The following PRDM16 variants were observed in gnomAD, a reference collection of about 807,000 sequenced individuals.
PRDM16 encodes histone-lysine N-methyltransferase PRDM16.
PRDM16 carries 23 observed loss-of-function variants against 110.6 expected under a neutral mutation model. That is an observed-to-expected ratio of 0.21 (90% CI 0.15 to 0.29). The LOEUF (loss-of-function observed/expected upper bound fraction) is 0.29. Among genes scored for constraint, PRDM16 ranks in the 10% least tolerant of loss-of-function variants. The pLI is 1.00. For synonymous variants in PRDM16, 799 were observed against 781.8 expected, an observed-to-expected ratio of 1.02 and a Z score of -0.37; for missense variants, 1,615 against 1,794.3, an observed-to-expected ratio of 0.90 and a Z score of 1.81.
chr1:3,190,123 C>T lies in PRDM16; in HGVS notation c.387+3649C>T, dbSNP rs930430801. Among the ~76,000 whole-genome samples, 11 of 152,090 alleles carry T rather than the reference C, an allele frequency of 7.2e-5. No individual in the cohort carries two copies. Among genetic ancestry groups the T allele is most frequent in the African/African-American group, 1.9e-4 (8 of 41,512 alleles). On this transcript the variant is annotated intron_variant, in intron 2 of 16. Coordinates refer to ENST00000270722, the MANE Select transcript of PRDM16 (RefSeq NM_022114.4). The surrounding 1 kb of genome is among the most constrained non-coding windows in gnomAD (Gnocchi z 5.0). ...GACTCCCTGGGGATGAGAGATGGGGCGGGCAGCACGTGAGGCACCCACGAG... is the reference window on the plus strand; with the variant it reads ...GACTCCCTGGGGATGAGAGATGGGGTGGGCAGCACGTGAGGCACCCACGAG...
chr1:3,404,194 G>T (rs552146484), intron 6 of PRDM16, among the ~76,000 whole-genome samples: 7 of 152,322 alleles, frequency 4.6e-5, no homozygotes, highest in African/African-American at 1.7e-4. Flanking sequence ...CCAAGAGCAG[G>T]GAATTAGAGC....
At chr1:3,118,189 A>T (rs999964756) in intron 1 of PRDM16, among the ~76,000 whole-genome samples, 1 of 151,730 alleles carries the variant, frequency 6.6e-6, no homozygotes. Context: ...TTGTGTGTGC[A>T]TGCATGTACA....
chr1:3,347,099 T>A (rs1467375737), intron 3 of PRDM16, among the ~76,000 whole-genome samples: 1 of 152,012 alleles, frequency 6.6e-6, no homozygotes, highest in Non-Finnish European at 1.5e-5. Flanking sequence ...AGGTGCCCAG[T>A]CTTTCCGGGG....
intron 3 of PRDM16, among the ~76,000 whole-genome samples, chr1:3,338,519 G>A (rs761187357): frequency 1.3e-5 from 2 of 152,182 alleles, no homozygotes; most frequent in African/African-American, 4.8e-5. Context: ...AAGTGGGGAC[G>A]GGGTGCCCGG....
At chr1:3,211,885 C>T (rs1160260610) in intron 2 of PRDM16, among the ~76,000 whole-genome samples, 2 of 152,202 alleles carry the variant, frequency 1.3e-5, no homozygotes, top group African/African-American at 2.4e-5. Flanking sequence ...TGGGTGGGAG[C>T]GGGTGTGTAT....
At chr1:3,241,305 T>G (rs1639669464) in intron 2 of PRDM16, among the ~76,000 whole-genome samples, 1 of 152,344 alleles carries the variant, frequency 6.6e-6, no homozygotes, top group African/African-American at 2.4e-5. Flanking sequence ...GGGCTCTGCC[T>G]CTGTGCGGCT....
intron 3 of PRDM16, among the ~76,000 whole-genome samples, chr1:3,259,083 A>C (rs566547617): frequency 6.6e-6 from 1 of 152,322 alleles, no homozygotes; most frequent in African/African-American, 2.4e-5. Flanking sequence ...GGCCAGAAGG[A>C]AGGCCTGGAT....
At chr1:3,123,995 G>A (rs1346105083) in intron 1 of PRDM16, among the ~76,000 whole-genome samples, 3 of 152,220 alleles carry the variant, frequency 2.0e-5, no homozygotes, top group African/African-American at 2.4e-5. Flanking sequence ...GTGGGCGTCC[G>A]AGTCGTCTCC....
chr1:3,281,334 A>G (rs1640707551), intron 3 of PRDM16, among the ~76,000 whole-genome samples: 1 of 152,170 alleles, frequency 6.6e-6, no homozygotes, highest in South Asian at 2.1e-4. Context: ...GCTCCAGACC[A>G]GGCTGGCACT....
intron 12 of PRDM16, among the ~76,000 whole-genome samples, chr1:3,421,134 C>T (rs998631621): frequency 6.6e-6 from 1 of 152,164 alleles, no homozygotes; most frequent in Non-Finnish European, 1.5e-5. Context: ...GGCTGGGTTT[C>T]AAAATCTCTT....
At chr1:3,071,264 C>T (rs1641752802) in intron 1 of PRDM16, among the ~76,000 whole-genome samples, 3 of 152,274 alleles carry the variant, frequency 2.0e-5, no homozygotes, top group African/African-American at 7.2e-5. Context: ...TCCGCCGGCT[C>T]CACCTCTGCC....
At chr1:3,123,783 C>T (rs1004697304) in intron 1 of PRDM16, among the ~76,000 whole-genome samples, 1 of 152,252 alleles carries the variant, frequency 6.6e-6, no homozygotes, top group Admixed American at 6.5e-5. Context: ...GGCATTGCCC[C>T]AGTGGCGAGA....
intron 3 of PRDM16, among the ~76,000 whole-genome samples, chr1:3,349,298 G>A (rs1343687806): frequency 3.3e-5 from 5 of 152,294 alleles, no homozygotes; most frequent in Admixed American, 1.3e-4. Context: ...AGGTGTGGAC[G>A]GGGCCGCACC....
intron 3 of PRDM16, among the ~76,000 whole-genome samples, chr1:3,294,110 T>C (rs1641036243): frequency 6.6e-6 from 1 of 152,086 alleles, no homozygotes; most frequent in Non-Finnish European, 1.5e-5. Context: ...GAAATGATGG[T>C]ACCTACCTAG....
intron 3 of PRDM16, among the ~76,000 whole-genome samples, chr1:3,263,550 C>A (rs1261340494): frequency 2.0e-5 from 3 of 152,236 alleles, no homozygotes; most frequent in African/African-American, 7.2e-5. Flanking sequence ...AACAGTGGCA[C>A]AGGCTGCCAG....
At chr1:3,076,114 C>T (rs1312593801) in intron 1 of PRDM16, among the ~76,000 whole-genome samples, 2 of 152,322 alleles carry the variant, frequency 1.3e-5, no homozygotes, top group East Asian at 1.9e-4. Flanking sequence ...CCACCAGCCC[C>T]GCGCTCCTCT....
intron 3 of PRDM16, among the ~76,000 whole-genome samples, chr1:3,269,948 G>A (rs948655138): frequency 2.0e-5 from 3 of 150,680 alleles, no homozygotes; most frequent in Non-Finnish European, 4.4e-5. Flanking sequence ...GGACAGTCAG[G>A]AGGAGGACAG....
intron 1 of PRDM16, among the ~76,000 whole-genome samples, chr1:3,180,321 AC>A (rs1569774535): frequency 6.6e-6 from 1 of 151,632 alleles, no homozygotes; most frequent in Non-Finnish European, 1.5e-5. Context: ...CCACGTACAC[AC>A]AGGTGGAGTG....
At chr1:3,408,894 G>A (rs772138369) in intron 8 of PRDM16, among the ~76,000 whole-genome samples, 2 of 150,884 alleles carry the variant, frequency 1.3e-5, no homozygotes, top group Non-Finnish European at 2.9e-5. Context: ...GTGTGTGAGA[G>A]CGCATGAGGG....
Sources: gnomAD v4.1 joint callset for allele counts (sites outside exome capture counted in the v4.1 genomes callset) on GRCh38, gnomAD v4.1.1 for gene constraint, Gnocchi (gnomAD v3.1) non-coding constraint, MANE v1.5 for transcripts, NCBI Gene and HGNC (gene_info 2026-07-23, HGNC 2026-07-21) for gene names.